The following STAG1 variants were observed in gnomAD, a reference collection of about 807,000 sequenced individuals.
STAG1 encodes cohesin subunit SA-1.
STAG1 carries 26 observed loss-of-function variants against 170.9 expected under a neutral mutation model. The ratio of observed to expected loss-of-function variants is 0.15; its 90% CI spans 0.11 to 0.21. STAG1 has a LOEUF of 0.21. Among genes scored for constraint, STAG1 ranks in the 10% least tolerant of loss-of-function variants. The pLI is 1.00. For synonymous variants in STAG1, 514 were observed against 497.7 expected (o/e 1.03, Z -0.44); for missense variants, 964 against 1,509.5 (o/e 0.64, Z 5.99).
At chr3:136,509,110 C>T (rs774744853) in intron 7 of STAG1, among the ~76,000 whole-genome samples, 22 of 152,240 alleles carry the variant, frequency 1.4e-4, no homozygotes, top group Admixed American at 1.3e-4. Context: ...ATCAGATTCA[C>T]AGTACAAGTA....
At chr3:136,579,552 G>A (rs1304102368) in intron 4 of STAG1, among the ~76,000 whole-genome samples, 1 of 152,192 alleles carries the variant, frequency 6.6e-6, no homozygotes, top group Non-Finnish European at 1.5e-5. Flanking sequence ...GCTGGCTAAT[G>A]GCTAGAGACA....
chr3:136,733,707 G>T (rs1157427404), intron 1 of STAG1, among the ~76,000 whole-genome samples: 3 of 152,128 alleles, frequency 2.0e-5, no homozygotes, highest in Non-Finnish European at 4.4e-5. Context: ...GCAGCACATG[G>T]CATAAACTAA....
chr3:136,637,777 G>C (rs141705649), intron 1 of STAG1, among the ~76,000 whole-genome samples: 27 of 152,268 alleles, frequency 1.8e-4, no homozygotes, highest in African/African-American at 6.3e-4. Context: ...TTAATTCACA[G>C]CTACAGGAGG....
intron 1 of STAG1, among the ~76,000 whole-genome samples, chr3:136,741,357 C>T (rs1475268002): frequency 3.3e-5 from 5 of 152,234 alleles, no homozygotes; most frequent in African/African-American, 9.6e-5. Context: ...GCCAAGTTAA[C>T]TTGTCAGCCT....
At chr3:136,500,093 AGCCAAAGTTGT>A (rs1933388423) in intron 9 of STAG1, 119 bp downstream of exon 9, 2 of 624,424 alleles carry the variant, frequency 3.2e-6, no homozygotes, top group East Asian at 6.2e-5. Flanking sequence ...TGACACTGAC[AGCCAAAGTTGT>A]TTTCCAGAAA....
chr3:136,496,388 A>G (rs549256032), intron 9 of STAG1, among the ~76,000 whole-genome samples: 1 of 152,326 alleles, frequency 6.6e-6, no homozygotes, highest in South Asian at 2.1e-4. Context: ...ACCAAGATAG[A>G]GTTTACTGTG....
At chr3:136,734,981 GT>G (rs1198193377) in intron 1 of STAG1, among the ~76,000 whole-genome samples, 2 of 152,148 alleles carry the variant, frequency 1.3e-5, no homozygotes, top group Admixed American at 1.3e-4. Flanking sequence ...CAGGCCTGCA[GT>G]TTCTGGTCAG....
chr3:136,590,076 T>A (rs572582350), intron 4 of STAG1, among the ~76,000 whole-genome samples: 75 of 152,050 alleles, frequency 4.9e-4, no homozygotes, highest in Non-Finnish European at 3.2e-4. Context: ...TGAGCCAAGA[T>A]CATGCTATTG....
chr3:136,743,115 C>T (rs1297273388), intron 1 of STAG1, among the ~76,000 whole-genome samples: 2 of 152,092 alleles, frequency 1.3e-5, no homozygotes, highest in South Asian at 2.1e-4. Flanking sequence ...GCCTGTAATC[C>T]TAACACTTTG....
intron 5 of STAG1, among the ~76,000 whole-genome samples, chr3:136,563,918 G>A (rs1053804804): frequency 7.9e-5 from 12 of 152,048 alleles, no homozygotes; most frequent in Non-Finnish European, 1.3e-4. Context: ...AGCTACTCGG[G>A]AGGCTGAGGC....
intron 3 of STAG1, among the ~76,000 whole-genome samples, chr3:136,617,495 C>T (rs1233437058): frequency 6.6e-6 from 1 of 152,188 alleles, no homozygotes; most frequent in Non-Finnish European, 1.5e-5. Context: ...CAGCCCATTA[C>T]AGATAAGGAG....
chr3:136,398,133 T>C (rs2087221138), intron 22 of STAG1, among the ~76,000 whole-genome samples: 2 of 151,680 alleles, frequency 1.3e-5, no homozygotes, highest in South Asian at 2.1e-4. Context: ...TTTTTTTTTT[T>C]TCAGACAAGA....
intron 10 of STAG1, among the ~76,000 whole-genome samples, chr3:136,474,064 A>T (rs1204167185): frequency 6.6e-6 from 1 of 152,214 alleles, no homozygotes; most frequent in African/African-American, 2.4e-5. Context: ...ACTGGATTCA[A>T]TTTATATTCC....
At chr3:136,478,992 A>G (rs1229680869) in intron 9 of STAG1, among the ~76,000 whole-genome samples, 1 of 152,150 alleles carries the variant, frequency 6.6e-6, no homozygotes, top group African/African-American at 2.4e-5. Context: ...CTTAATACAA[A>G]TAGAAGACTT....
chr3:136,488,097 G>C (rs1336274834), intron 9 of STAG1, among the ~76,000 whole-genome samples: 1 of 152,212 alleles, frequency 6.6e-6, no homozygotes, highest in Non-Finnish European at 1.5e-5. Context: ...CCAAATTCCT[G>C]ACCCATAGAA....
At chr3:136,525,213 T>A (rs1409309134) in intron 6 of STAG1, among the ~76,000 whole-genome samples, 1 of 152,190 alleles carries the variant, frequency 6.6e-6, no homozygotes, top group East Asian at 1.9e-4. Context: ...TGGCTGTGAA[T>A]CCATCTCGTC....
intron 14 of STAG1, among the ~76,000 whole-genome samples, chr3:136,450,975 C>T (rs2088920555): frequency 6.6e-6 from 1 of 152,068 alleles, no homozygotes; most frequent in African/African-American, 2.4e-5. Flanking sequence ...TCTTAAACTC[C>T]TGGCCTGAAG....
At chr3:136,646,320 T>C (rs1477270327) in intron 1 of STAG1, among the ~76,000 whole-genome samples, 1 of 152,194 alleles carries the variant, frequency 6.6e-6, no homozygotes, top group East Asian at 1.9e-4. Flanking sequence ...TAAGCAATCT[T>C]TGTATTTGTC....
intron 1 of STAG1, among the ~76,000 whole-genome samples, chr3:136,692,985 G>A (rs545672788): frequency 3.3e-5 from 5 of 152,262 alleles, no homozygotes; most frequent in South Asian, 4.1e-4. Flanking sequence ...AGATGTCTTC[G>A]GTGTGTGGGA....
Sources: allele counts gnomAD v4.1 joint callset (sites outside exome capture counted in the v4.1 genomes callset), GRCh38; gene constraint gnomAD v4.1.1; transcripts MANE v1.5; gene names NCBI Gene and HGNC (gene_info 2026-07-23, HGNC 2026-07-21).